Variants in TBCE observed in about 807,000 individuals in gnomAD.
TBCE encodes the protein tubulin-specific chaperone E.
A neutral mutation model predicts 77.0 loss-of-function variants in TBCE; 53 were observed. The ratio of observed to expected loss-of-function variants is 0.69; its 90% CI spans 0.55 to 0.87. The LOEUF (loss-of-function observed/expected upper bound fraction) is 0.87, where lower values mean the gene tolerates loss of function less well. Ranked by LOEUF, TBCE falls within the 40% of genes least tolerant of loss-of-function variation. TBCE has a pLI of 0.00. For synonymous variants in TBCE, 235 were observed against 241.3 expected (o/e 0.97, Z 0.24); for missense variants, 624 against 622.4 (o/e 1.00, Z -0.03).
chr1:235,436,102 T>G, intron 9 of TBCE: 1 of 602,288 alleles, frequency 1.7e-6, no homozygotes, highest in Non-Finnish European at 2.9e-6. Context: ...AAGTCTTCAT[T>G]CATTAAACTC....
intron 3 of TBCE, among the ~76,000 whole-genome samples, chr1:235,407,205 C>T (rs761773003): frequency 3.4e-5 from 5 of 149,094 alleles, no homozygotes; most frequent in Admixed American, 1.4e-4. Context: ...ACAATCATGG[C>T]TCGTTGCAGC....
Position 235,441,889 on chromosome 1 carries a change from A to C in TBCE, c.1339+7A>C, listed in dbSNP as rs754330018. On this transcript the variant is annotated splice_region_variant and intron_variant, in intron 14 of 16. Coordinates refer to ENST00000642610, the MANE Select transcript of TBCE (RefSeq NM_003193.5). Reference sequence around the variant, plus strand: ...CTGAAAAACCAGCTACTAAGTAAGAATCTCAGATTCAAATAGTTTATTTGT... The same window carrying C: ...CTGAAAAACCAGCTACTAAGTAAGACTCTCAGATTCAAATAGTTTATTTGT... 4 of 1,613,266 alleles carry C rather than the reference A, an allele frequency of 2.5e-6. No homozygotes were observed. Among genetic ancestry groups the C allele is most frequent in the African/African-American group, 1.3e-5 (1 of 74,926 alleles).
At chr1:235,404,588 C>G (rs1017473991) in intron 3 of TBCE, among the ~76,000 whole-genome samples, 5 of 152,008 alleles carry the variant, frequency 3.3e-5, no homozygotes, top group African/African-American at 1.2e-4. Flanking sequence ...TAGCCTTAGG[C>G]TACACTAAAC....
chr1:235,437,603 G>A (rs1681549985), intron 12 of TBCE, 129 bp downstream of exon 12: 1 of 1,099,906 alleles, frequency 9.1e-7, no homozygotes, highest in Non-Finnish European at 1.3e-6. Flanking sequence ...CTGCAGTCCA[G>A]GAGTTTGAGA....
intron 3 of TBCE, among the ~76,000 whole-genome samples, chr1:235,411,458 C>G (rs921791770): frequency 3.3e-5 from 5 of 152,202 alleles, no homozygotes; most frequent in Admixed American, 6.5e-5. Flanking sequence ...CCTCAGTGTC[C>G]TCCTTTCTGT....
chr1:235,406,346 C>CGT, intron 3 of TBCE, among the ~76,000 whole-genome samples: 1 of 152,036 alleles, frequency 6.6e-6, no homozygotes, highest in Non-Finnish European at 1.5e-5. Context: ...TATTATTACC[C>CGT]ATAATTAATA....
At position 235,436,708 on chromosome 1, in the gene TBCE, A is replaced by G. The variant is rs575687232; in HGVS notation, c.963+100A>G. ...CTACCAAAAAAGTAAAAAGAAATTT[A>G]AATCGAAAGAGAAATACCTCCTCAG... On this transcript the variant is annotated intron_variant, in intron 11 of 16. Coordinates refer to ENST00000642610, the MANE Select transcript of TBCE (RefSeq NM_003193.5). 41 of 1,194,510 alleles carry G rather than the reference A, an allele frequency of 3.4e-5. No homozygotes were observed. The Middle Eastern group carries it at 1.1e-3, about 33-fold the overall frequency. The allele number at this position is 1,194,510 out of a possible 1,614,324, so 74.0% of individuals were successfully genotyped here. A position where few individuals can be genotyped will look rare whatever the true frequency, so the allele number is the denominator to read the frequency against.
intron 2 of TBCE, among the ~76,000 whole-genome samples, chr1:235,397,200 CT>C (rs34523932): frequency 0.61 from 61,149 of 100,640 alleles, 17,722 homozygotes; most frequent in African/African-American, 0.81. Flanking sequence ...GTCTCAATCT[CT>C]TTTTTTTTTT....
Position 235,414,579 on chromosome 1 carries a change from T to G in TBCE, c.332T>G (p.Val111Gly), listed in dbSNP as rs1553336397. The change falls in exon 4 of 17, where the codon GTG becomes GGG. Residue 111 changes from valine (V) to glycine (G), a missense_variant. Physicochemically the swap from Val to Gly is moderately radical, Grantham distance 109 (BLOSUM62 -3). Coordinates refer to ENST00000642610, the MANE Select transcript of TBCE (RefSeq NM_003193.5). Reference protein sequence around the residue: ...EQIVTIGNKPVETIGFDSIMK... With the variant: ...EQIVTIGNKPGETIGFDSIMK... ...ATTGTTACAATTGGAAATAAACCTG[T>G]GGAGACTATCGGTTTTGACTCTATT... is the stretch of plus-strand genomic sequence containing the variant. The G allele has an allele frequency of 1.2e-6, 2 of 1,613,858 alleles. No individual in the cohort carries two copies. The highest frequency in any genetic ancestry group is 2.2e-5 in the South Asian group (2 of 91,076).
chr1:235,391,872 G>A (rs746434286), intron 2 of TBCE, among the ~76,000 whole-genome samples: 19 of 151,794 alleles, frequency 1.3e-4, no homozygotes, highest in African/African-American at 3.4e-4. Context: ...CTCTCAAAGC[G>A]CTGGGATTAC....
intron 4 of TBCE, chr1:235,415,570 T>A (rs1418399871): frequency 6.6e-6 from 1 of 152,196 alleles, no homozygotes; most frequent in Non-Finnish European, 1.5e-5. Flanking sequence ...ATATATTTTC[T>A]TTCAGTCTCT....
intron 3 of TBCE, among the ~76,000 whole-genome samples, chr1:235,406,935 A>G (rs1221297754): frequency 6.7e-6 from 1 of 150,064 alleles, no homozygotes; most frequent in African/African-American, 2.5e-5. Context: ...CCCAGGTTCA[A>G]GGGATTCTCC....
Position 235,448,424 on chromosome 1 carries a change from C to T in TBCE, c.1475C>T (p.Ser492Phe). The T allele has an allele frequency of 6.2e-7, 1 of 1,614,018 alleles. No individual in the cohort carries two copies. Among genetic ancestry groups the T allele is most frequent in the South Asian group, 1.1e-5 (1 of 91,076 alleles). ...GTTCCTGTGTCAGACCTTCTGTTGT[C>T]CTATGAAAGTCCCAAAGTAAGTTGC... ...LKVPVSDLLL[S>F]YESPKKPGRE... is the part of the protein sequence containing the mutation. Residue 492 changes from serine to phenylalanine, a missense_variant, in exon 16 of 17, where the codon TCC becomes TTC. By Grantham distance (155) the Ser-to-Phe change is radical. Coordinates refer to ENST00000642610, the MANE Select transcript of TBCE (RefSeq NM_003193.5).
chr1:235,416,943 T>G (rs1680145637), intron 4 of TBCE, among the ~76,000 whole-genome samples: 1 of 152,164 alleles, frequency 6.6e-6, no homozygotes, highest in Non-Finnish European at 1.5e-5. Context: ...AAGCCTCAGT[T>G]TCCTCAGTTA....
At chr1:235,445,894 G>A (rs1329938595) in intron 15 of TBCE, among the ~76,000 whole-genome samples, 1 of 152,210 alleles carries the variant, frequency 6.6e-6, no homozygotes, top group Non-Finnish European at 1.5e-5. Context: ...GAACCACACA[G>A]CACACAAGGC....
chr1:235,429,740 CAG>C (rs1680975605), intron 6 of TBCE: 1 of 146,342 alleles, frequency 6.8e-6, no homozygotes, highest in South Asian at 2.1e-4. Flanking sequence ...TTTTTTGAGG[CAG>C]AGTCTCACTC....
At chr1:235,446,557 G>C (rs1558397842) in intron 15 of TBCE, among the ~76,000 whole-genome samples, 2 of 152,134 alleles carry the variant, frequency 1.3e-5, no homozygotes. Context: ...ACTGGTCATA[G>C]GCAGGTAAAA....
intron 3 of TBCE, among the ~76,000 whole-genome samples, chr1:235,410,821 G>A (rs1679742960): frequency 6.6e-6 from 1 of 152,116 alleles, no homozygotes; most frequent in African/African-American, 2.4e-5. Context: ...CTAACTGTTG[G>A]GTCTCTTGCA....
chr1:235,419,664 C>G (rs1383431497), intron 5 of TBCE, 103 bp downstream of exon 5: 1 of 1,492,742 alleles, frequency 6.7e-7, no homozygotes, highest in Non-Finnish European at 9.2e-7. Context: ...TTGACAACTT[C>G]CTTCCTAATG....
Sources: gnomAD v4.1 joint callset for allele counts (sites outside exome capture counted in the v4.1 genomes callset) on GRCh38, gnomAD v4.1.1 for gene constraint, MANE v1.5 for transcripts, NCBI Gene and HGNC (gene_info 2026-07-23, HGNC 2026-07-21) for gene names.